The following LRRC3B variants were observed in gnomAD, a reference collection of about 807,000 sequenced individuals.
LRRC3B encodes leucine-rich repeat-containing protein 3B.
LRRC3B carries 2 observed loss-of-function variants against 12.8 expected under a neutral mutation model. The observed-to-expected ratio is 0.16, with a 90% CI of 0.06 to 0.49. The LOEUF (loss-of-function observed/expected upper bound fraction) is 0.49, where lower values mean the gene tolerates loss of function less well. LRRC3B is among the 20% of genes least tolerant of loss of function. LRRC3B has a pLI of 0.96. For missense variants in LRRC3B, 189 were observed against 319.4 expected (o/e 0.59, Z 3.11); for synonymous variants, 132 against 122.0 (o/e 1.08, Z -0.54).
At chr3:26,691,105 G>GTGTGTATATATATATATA (rs372629683) in intron 1 of LRRC3B, among the ~76,000 whole-genome samples, 306 of 84,796 alleles carry the variant, frequency 3.6e-3, no homozygotes, top group East Asian at 0.014. Context: ...GTGTGTGTGT[G>GTGTGTATATATATATATA]TATATATATA....
intron 1 of LRRC3B, among the ~76,000 whole-genome samples, chr3:26,639,930 A>G (rs1352044370): frequency 6.6e-6 from 1 of 152,160 alleles, no homozygotes; most frequent in Non-Finnish European, 1.5e-5. Context: ...CTTCATAGAC[A>G]GAAGGTTCAG....
chr3:26,646,738 A>C (rs73059324), intron 1 of LRRC3B, among the ~76,000 whole-genome samples: 51,078 of 151,566 alleles, frequency 0.34, 9,966 homozygotes, highest in African/African-American at 0.53. Flanking sequence ...CAAAATATTA[A>C]TGTTTTTTCT....
At chr3:26,705,952 C>G (rs575121998) in intron 1 of LRRC3B, among the ~76,000 whole-genome samples, 1 of 152,270 alleles carries the variant, frequency 6.6e-6, no homozygotes, top group South Asian at 2.1e-4. Context: ...TGACTTGATA[C>G]CTTTGGCTTT....
chr3:26,710,594 T>TAACA (rs1303024808), exon 2 of LRRC3B: 6 of 791,184 alleles, frequency 7.6e-6, no homozygotes, highest in African/African-American at 5.2e-5. Flanking sequence ...GCTGAACTTT[T>TAACA]AACAAACACT....
intron 1 of LRRC3B, among the ~76,000 whole-genome samples, chr3:26,672,612 T>C (rs1272208052): frequency 2.0e-5 from 3 of 152,194 alleles, no homozygotes; most frequent in Non-Finnish European, 2.9e-5. Context: ...ACCATTTTTA[T>C]TGTTAAACGT....
chr3:26,678,667 G>T (rs554002047), intron 1 of LRRC3B, among the ~76,000 whole-genome samples: 8 of 152,258 alleles, frequency 5.3e-5, no homozygotes, highest in Admixed American at 2.6e-4. Flanking sequence ...CTGAAAGAAG[G>T]ATTGGAAAAG....
intron 1 of LRRC3B, among the ~76,000 whole-genome samples, chr3:26,659,623 A>G (rs993377301): frequency 6.6e-6 from 1 of 152,176 alleles, no homozygotes; most frequent in African/African-American, 2.4e-5. Context: ...CTCTATTTCT[A>G]TATTTTTCCT....
chr3:26,700,266 C>T (rs1453121480), intron 1 of LRRC3B, among the ~76,000 whole-genome samples: 1 of 152,028 alleles, frequency 6.6e-6, no homozygotes, highest in Non-Finnish European at 1.5e-5. Flanking sequence ...TTGATTTTCC[C>T]AAATTTGGCA....
intron 1 of LRRC3B, chr3:26,694,458 A>G (rs1471569184): frequency 3.3e-5 from 5 of 152,168 alleles, no homozygotes; most frequent in African/African-American, 1.2e-4. Context: ...CTAACTTTCC[A>G]TAGAACCCCT....
At chr3:26,697,419 C>T (rs1293830581) in intron 1 of LRRC3B, among the ~76,000 whole-genome samples, 1 of 152,032 alleles carries the variant, frequency 6.6e-6, no homozygotes, top group Admixed American at 6.6e-5. Flanking sequence ...CCCTCTGTAT[C>T]CTTCTTATAA....
chr3:26,688,679 A>G (rs9861821), intron 1 of LRRC3B, among the ~76,000 whole-genome samples: 1 of 152,110 alleles, frequency 6.6e-6, no homozygotes, highest in African/African-American at 2.4e-5. Flanking sequence ...AACAGCACCA[A>G]GGGGATGGTG....
intron 1 of LRRC3B, among the ~76,000 whole-genome samples, chr3:26,644,491 A>G (rs1204344755): frequency 6.6e-6 from 1 of 152,202 alleles, no homozygotes; most frequent in Non-Finnish European, 1.5e-5. Context: ...GACACATTTA[A>G]ATGAGGAAAA....
At chr3:26,699,161 A>T (rs1041092387) in intron 1 of LRRC3B, among the ~76,000 whole-genome samples, 1 of 152,162 alleles carries the variant, frequency 6.6e-6, no homozygotes, top group African/African-American at 2.4e-5. Context: ...ATTCGGGTTA[A>T]ATATGTATTG....
rs534262310 is a variant in LRRC3B, at chr3:26,685,617, A to G, written c.-160-23896A>G. ...CTCATATATATATATGTGTGTGTGT[A>G]TATATATATATATATATCTATATAC... On this transcript the variant is annotated intron_variant, in intron 1 of 1. Transcript: ENST00000396641. Among the ~76,000 whole-genome samples, 637 of 118,446 alleles carry G rather than the reference A, an allele frequency of 5.4e-3. 3 individuals carry two copies. Among genetic ancestry groups the G allele is most frequent in the South Asian group, 0.012 (43 of 3,678 alleles). The allele number at this position is 118,446 out of a possible 152,430, so 77.7% of individuals were successfully genotyped here.
At chr3:26,702,657 TG>T (rs1346591231) in intron 1 of LRRC3B, among the ~76,000 whole-genome samples, 1 of 152,142 alleles carries the variant, frequency 6.6e-6, no homozygotes, top group African/African-American at 2.4e-5. Context: ...TTTTTTGACC[TG>T]CAGGATGATG....
intron 1 of LRRC3B, among the ~76,000 whole-genome samples, chr3:26,658,959 G>C (rs1699435125): frequency 6.6e-6 from 1 of 152,220 alleles, no homozygotes; most frequent in Non-Finnish European, 1.5e-5. Flanking sequence ...AGGATCTGGG[G>C]TGGTATCAGG....
intron 1 of LRRC3B, among the ~76,000 whole-genome samples, chr3:26,653,483 C>A (rs1259036759): frequency 6.6e-6 from 1 of 152,004 alleles, no homozygotes; most frequent in Non-Finnish European, 1.5e-5. Flanking sequence ...TTAGGAGAAG[C>A]TGACATGTCA....
rs79115497 is a variant in LRRC3B at position 26,689,686 on chromosome 3, T to G, written c.-160-19827T>G. Among the ~76,000 whole-genome samples, 356 of 152,238 alleles carry G rather than the reference T, an allele frequency of 2.3e-3. 3 individuals are homozygous for G. Among genetic ancestry groups the G allele is most frequent in the African/African-American group, 8.3e-3 (344 of 41,548 alleles). On this transcript the variant is annotated intron_variant, in intron 1 of 1. Coordinates refer to ENST00000396641, the Ensembl canonical transcript of LRRC3B. ...AAAATCTGCATTGTTAAGGGTAGAG[T>G]GGCCCACCCCCAGGACTTTTAGGTT... is the stretch of plus-strand genomic sequence containing the variant.
chr3:26,644,799 G>A (rs1027144055), intron 1 of LRRC3B, among the ~76,000 whole-genome samples: 3 of 152,132 alleles, frequency 2.0e-5, no homozygotes, highest in Non-Finnish European at 2.9e-5. Flanking sequence ...GGTCTTAAGA[G>A]ATTCATATTG....
Sources: gnomAD v4.1 joint callset for allele counts (sites outside exome capture counted in the v4.1 genomes callset) on GRCh38, gnomAD v4.1.1 for gene constraint, MANE v1.5 for transcripts, NCBI Gene and HGNC (gene_info 2026-07-23, HGNC 2026-07-21) for gene names.